The following CADPS2 variants were observed in gnomAD, a reference collection of about 807,000 sequenced individuals.
CADPS2 encodes calcium-dependent secretion activator 2.
Under a neutral mutation model 172.5 loss-of-function variants are expected in CADPS2, and 93 were observed. The observed-to-expected ratio is 0.54, with a 90% CI of 0.46 to 0.64. The LOEUF is 0.64. Ranked by LOEUF, CADPS2 falls within the 30% of genes least tolerant of loss-of-function variation. The probability of loss-of-function intolerance (pLI) is 0.00; values close to 1 mark genes in which losing one functional copy is unlikely to be tolerated. For synonymous variants in CADPS2, 546 were observed against 555.2 expected (o/e 0.98, Z 0.23); for missense variants, 1,420 against 1,565.9 (o/e 0.91, Z 1.57).
At chr7:122,565,003 A>G (rs759532189) in intron 7 of CADPS2, among the ~76,000 whole-genome samples, 8 of 152,054 alleles carry the variant, frequency 5.3e-5, no homozygotes, top group Non-Finnish European at 1.0e-4. Context: ...TGTTCTCACA[A>G]ATGGGAGTGA....
At chr7:122,639,454 C>T (rs887714375) in intron 3 of CADPS2, among the ~76,000 whole-genome samples, 3 of 152,134 alleles carry the variant, frequency 2.0e-5, no homozygotes, top group African/African-American at 7.2e-5. Flanking sequence ...AGTATTCTAT[C>T]ACAACCAGGA....
intron 10 of CADPS2, among the ~76,000 whole-genome samples, chr7:122,490,880 G>T (rs2058222478): frequency 6.6e-6 from 1 of 151,786 alleles, no homozygotes; most frequent in Non-Finnish European, 1.5e-5. Flanking sequence ...TAAATATCAG[G>T]TGTCCAATAC....
In CADPS2 at chr7:122,591,011, T is replaced by C. The variant is rs562519154; in HGVS notation, c.1224-9721A>G. Among the ~76,000 whole-genome samples the C allele has an allele frequency of 3.9e-5, 6 of 152,100 alleles. No homozygotes were observed. In the East Asian group the frequency reaches 7.8e-4, roughly 20 times the overall value. On this transcript the variant is annotated intron_variant, in intron 6 of 29. Transcript: ENST00000449022. The stretch of plus-strand genomic sequence containing the variant: ...GCCTAACTTATCACCATCATTGTTG[T>C]TGACATACTATAAAAGTATCTGAAA...
intron 8 of CADPS2, among the ~76,000 whole-genome samples, chr7:122,545,468 G>A (rs905194186): frequency 1.3e-5 from 2 of 152,086 alleles, no homozygotes; most frequent in Non-Finnish European, 2.9e-5. Context: ...AAATCTAGAC[G>A]AACCAGATTT....
chr7:122,609,410 C>T (rs1199153503), intron 6 of CADPS2, among the ~76,000 whole-genome samples: 1 of 152,102 alleles, frequency 6.6e-6, no homozygotes, highest in Non-Finnish European at 1.5e-5. Context: ...AACAATTCCT[C>T]CGTATCTCAT....
At chr7:122,648,069 G>C (rs2078751537) in intron 3 of CADPS2, among the ~76,000 whole-genome samples, 1 of 152,072 alleles carries the variant, frequency 6.6e-6, no homozygotes, top group African/African-American at 2.4e-5. Flanking sequence ...AAATCCAAAG[G>C]TTACTTCGTT....
chr7:122,777,781 C>A (rs1298703757), intron 1 of CADPS2, among the ~76,000 whole-genome samples: 3 of 152,078 alleles, frequency 2.0e-5, no homozygotes, highest in African/African-American at 7.2e-5. Context: ...TTTCCTGAGG[C>A]CTCCTAGCCC....
intron 8 of CADPS2, among the ~76,000 whole-genome samples, chr7:122,518,722 T>G (rs1037380230): frequency 2.6e-5 from 4 of 151,982 alleles, no homozygotes; most frequent in African/African-American, 9.7e-5. Flanking sequence ...GGTATGTAAA[T>G]GAGACCTGCC....
intron 2 of CADPS2, among the ~76,000 whole-genome samples, chr7:122,719,628 T>C (rs1297742953): frequency 6.6e-6 from 1 of 152,138 alleles, no homozygotes; most frequent in Non-Finnish European, 1.5e-5. Context: ...CTTAATAACT[T>C]CTGTCCATGC....
intron 1 of CADPS2, among the ~76,000 whole-genome samples, chr7:122,838,495 T>C (rs548063258): frequency 9.7e-4 from 148 of 152,298 alleles, no homozygotes; most frequent in African/African-American, 3.4e-3. Context: ...ATTGTCCCTG[T>C]TTGCAGATGA....
At chr7:122,719,018 A>G (rs6466838) in intron 2 of CADPS2, among the ~76,000 whole-genome samples, 131,849 of 152,028 alleles carry the variant, frequency 0.87, 57,256 homozygotes, top group Middle Eastern at 0.94. Context: ...AATGTACACA[A>G]TTTTGAGGAA....
intron 1 of CADPS2, among the ~76,000 whole-genome samples, chr7:122,865,840 T>C (rs1440364768): frequency 6.6e-6 from 1 of 152,212 alleles, no homozygotes; most frequent in African/African-American, 2.4e-5. Context: ...TAGCAGTAGA[T>C]AACCATATTC....
At chr7:122,439,178 C>G (rs1156750422) in intron 16 of CADPS2, among the ~76,000 whole-genome samples, 1 of 151,996 alleles carries the variant, frequency 6.6e-6, no homozygotes, top group African/African-American at 2.4e-5. Context: ...TATTACTGGG[C>G]AAGGGGAAAA....
At chr7:122,842,983 G>A (rs567042015) in intron 1 of CADPS2, among the ~76,000 whole-genome samples, 1 of 152,164 alleles carries the variant, frequency 6.6e-6, no homozygotes, top group Non-Finnish European at 1.5e-5. Context: ...GAACTATAAT[G>A]AGGGCAGAAA....
At chr7:122,629,974 T>G (rs1166366198) in intron 3 of CADPS2, among the ~76,000 whole-genome samples, 1 of 152,192 alleles carries the variant, frequency 6.6e-6, no homozygotes, top group Admixed American at 6.5e-5. Context: ...TGGAAAATTA[T>G]TTTCACTTCA....
intron 2 of CADPS2, among the ~76,000 whole-genome samples, chr7:122,736,229 T>G (rs921044823): frequency 6.6e-6 from 1 of 152,198 alleles, no homozygotes; most frequent in African/African-American, 2.4e-5. Flanking sequence ...TCAGACCCAT[T>G]GTATCTCCAC....
At chr7:122,600,162 T>C (rs1366851643) in intron 6 of CADPS2, among the ~76,000 whole-genome samples, 2 of 152,030 alleles carry the variant, frequency 1.3e-5, no homozygotes, top group Admixed American at 6.6e-5. Flanking sequence ...AGAAGCTACA[T>C]GATGGAAAGA....
intron 2 of CADPS2, among the ~76,000 whole-genome samples, chr7:122,686,757 T>A (rs1481095295): frequency 6.6e-6 from 1 of 152,188 alleles, no homozygotes; most frequent in Non-Finnish European, 1.5e-5. Flanking sequence ...CAATCTCGGC[T>A]CACTGCAACC....
chr7:122,829,123 T>A (rs1358684584), intron 1 of CADPS2, among the ~76,000 whole-genome samples: 1 of 152,196 alleles, frequency 6.6e-6, no homozygotes, highest in Non-Finnish European at 1.5e-5. Flanking sequence ...ATTCTGTTTT[T>A]CCTTAAGAAG....
Sources: allele counts gnomAD v4.1 joint callset (sites outside exome capture counted in the v4.1 genomes callset), GRCh38; gene constraint gnomAD v4.1.1; transcripts MANE v1.5; gene names NCBI Gene and HGNC (gene_info 2026-07-23, HGNC 2026-07-21).